RNF212B: variants seen among roughly 807,000 people sequenced by gnomAD.
RNF212B encodes E3 ubiquitin-protein ligase RNF212B.
Under a neutral mutation model 55.5 loss-of-function variants are expected in RNF212B, and 52 were observed. The observed-to-expected ratio is 0.94, with a 90% CI of 0.75 to 1.18. The LOEUF (loss-of-function observed/expected upper bound fraction) is 1.18, where lower values mean the gene tolerates loss of function less well. RNF212B is among the 50% of genes most tolerant of loss of function. RNF212B has a pLI of 0.00. For synonymous variants in RNF212B, 99 were observed against 121.4 expected (o/e 0.82, Z 1.21); for missense variants, 289 against 350.4 (o/e 0.82, Z 1.40).
At chr14:23,250,273 G>T (rs918445438) in intron 4 of RNF212B, among the ~76,000 whole-genome samples, 15 of 152,026 alleles carry the variant, frequency 9.9e-5, no homozygotes, top group Non-Finnish European at 4.4e-5. Flanking sequence ...GAGGTCAGGG[G>T]TTCAAGATCA....
intron 2 of RNF212B, among the ~76,000 whole-genome samples, chr14:23,227,061 CT>C (rs1235836689): frequency 6.6e-6 from 1 of 151,838 alleles, no homozygotes; most frequent in Non-Finnish European, 1.5e-5. Context: ...GTCATGAGGT[CT>C]ATGGATGGTA....
rs1288469517 is a variant in RNF212B at position 23,244,177 on chromosome 14, T to C, written c.154-145T>C. The C allele has an allele frequency of 7.4e-6, 4 of 539,152 alleles. No homozygotes were observed. The South Asian group carries it at 8.0e-5, about 11-fold the overall frequency. The allele number at this position is 539,152 out of a possible 1,614,324, so 33.4% of individuals were successfully genotyped here. Reference sequence around the variant, plus strand: ...GAGAATTGGACATATAATGTACATCTAGAAGAGTGGAGATCTCCCTTTTAC... The same window carrying C: ...GAGAATTGGACATATAATGTACATCCAGAAGAGTGGAGATCTCCCTTTTAC... On this transcript the variant is annotated intron_variant, in intron 3 of 14. Transcript: ENST00000430154.
At chr14:23,239,190 TG>T (rs1186381966) in intron 1 of RNF212B, among the ~76,000 whole-genome samples, 1 of 152,148 alleles carries the variant, frequency 6.6e-6, no homozygotes, top group Admixed American at 6.5e-5. Context: ...CCCAAGTAGC[TG>T]GGGTTACAGG....
chr14:23,202,819 T>G (rs917311532), intron 2 of RNF212B, among the ~76,000 whole-genome samples: 1 of 143,010 alleles, frequency 7.0e-6, no homozygotes, highest in Non-Finnish European at 1.5e-5. Context: ...CACTGCACTC[T>G]AGCCTGGGCG....
intron 9 of RNF212B, among the ~76,000 whole-genome samples, chr14:23,263,738 ATG>A (rs1293580516): frequency 6.6e-6 from 1 of 152,144 alleles, no homozygotes; most frequent in Non-Finnish European, 1.5e-5. Flanking sequence ...TATTAGTGAC[ATG>A]TGCCCCTTCC....
chr14:23,228,274 G>A (rs943769077), intron 2 of RNF212B, among the ~76,000 whole-genome samples: 3 of 151,184 alleles, frequency 2.0e-5, no homozygotes, highest in Non-Finnish European at 4.4e-5. Context: ...TTGTTTATCT[G>A]ATAATAAAAT....
intron 1 of RNF212B, among the ~76,000 whole-genome samples, chr14:23,188,623 T>C (rs958668480): frequency 6.6e-6 from 1 of 152,076 alleles, no homozygotes; most frequent in Non-Finnish European, 1.5e-5. Context: ...CACACCACTA[T>C]GCCTGGCAAA....
intron 2 of RNF212B, among the ~76,000 whole-genome samples, chr14:23,210,989 G>A (rs1421874182): frequency 6.6e-6 from 1 of 151,748 alleles, no homozygotes; most frequent in Non-Finnish European, 1.5e-5. Context: ...GGAGGCCAAG[G>A]TGGACAGATC....
At chr14:23,199,459 C>T (rs749923713) in intron 2 of RNF212B, among the ~76,000 whole-genome samples, 3 of 152,174 alleles carry the variant, frequency 2.0e-5, no homozygotes, top group Middle Eastern at 3.2e-3. Context: ...CTAAGCAGTT[C>T]CCAGCTTGAC....
In RNF212B at chr14:23,229,220, T is replaced by TTTTATATATATA. The variant is rs1183907201; in HGVS notation, c.-1-11124_-1-11123insTTATATATATAT. Among the ~76,000 whole-genome samples, 30 of 65,016 alleles carry TTTTATATATATA rather than the reference T, an allele frequency of 4.6e-4. 2 individuals are homozygous for TTTTATATATATA. The highest frequency in any genetic ancestry group is 6.6e-4 in the Non-Finnish European group (22 of 33,388). 42.7% of individuals were successfully genotyped at this position (65,016 alleles called of 152,430 possible). On this transcript the variant is annotated intron_variant, in intron 2 of 15. Coordinates refer to the RNF212B transcript ENST00000399910. ...ATTTCCTTTATGGCTGAATAATATT[T>TTTTATATATATA]TATATATATATATATATATATATAT... is the stretch of plus-strand genomic sequence containing the variant.
rs769973888 is a variant in RNF212B, at chr14:23,264,618, A to C, written c.586-5A>C. ...ATTAATTGATGCTTATTATTTGTCT[A>C]TCAGGGAGGCAGAGGTCTGCAGGGA... is the stretch of plus-strand genomic sequence containing the variant. On this transcript the variant is annotated splice_region_variant and splice_polypyrimidine_tract_variant and intron_variant, in intron 10 of 14. Coordinates refer to ENST00000430154, the MANE Select transcript of RNF212B (RefSeq NM_001282322.3). 6.7e-6 allele frequency: 9 copies of C among 1,343,766 alleles called. No individual in the cohort carries two copies. The highest frequency in any genetic ancestry group is 8.7e-6 in the Non-Finnish European group (9 of 1,039,864). 83.2% of individuals were successfully genotyped at this position (1,343,766 alleles called of 1,614,324 possible).
rs149787341 is a variant in RNF212B, at chr14:23,241,519, G to A, written c.100+1074G>A. On this transcript the variant is annotated intron_variant, in intron 2 of 14. Coordinates refer to ENST00000430154, the MANE Select transcript of RNF212B (RefSeq NM_001282322.3). ...GCTCACTGCAACCTCTGCTTCCCAG[G>A]TTCAAGCGATTCTCATGTCTCAGCC... is the stretch of plus-strand genomic sequence containing the variant. Among the ~76,000 whole-genome samples, 492 of 152,054 alleles carry A rather than the reference G, an allele frequency of 3.2e-3. 4 individuals are homozygous for A. The highest frequency in any genetic ancestry group is 0.011 in the African/African-American group (470 of 41,482).
At chr14:23,211,569 C>A (rs1441911144) in intron 2 of RNF212B, among the ~76,000 whole-genome samples, 2 of 152,122 alleles carry the variant, frequency 1.3e-5, no homozygotes, top group Non-Finnish European at 2.9e-5. Context: ...AAACTAAAGA[C>A]CAGTTCCTCT....
intron 2 of RNF212B, among the ~76,000 whole-genome samples, chr14:23,198,479 G>A (rs1264170182): frequency 6.6e-6 from 1 of 152,038 alleles, no homozygotes; most frequent in African/African-American, 2.4e-5. Context: ...CAGGAGACCT[G>A]CCTAGCCAAC....
At chr14:23,251,597 C>T (rs989635638) in intron 4 of RNF212B, among the ~76,000 whole-genome samples, 2 of 152,168 alleles carry the variant, frequency 1.3e-5, no homozygotes, top group Non-Finnish European at 2.9e-5. Context: ...GGGCAGATCA[C>T]CTGAGGTCAG....
intron 13 of RNF212B, among the ~76,000 whole-genome samples, chr14:23,270,343 G>A (rs1351943384): frequency 6.6e-6 from 1 of 152,134 alleles, no homozygotes; most frequent in Non-Finnish European, 1.5e-5. Flanking sequence ...TTGCTAAGAG[G>A]CTGCCATCTT....
At chr14:23,267,788 C>T (rs1327684277) in intron 11 of RNF212B, among the ~76,000 whole-genome samples, 4 of 152,124 alleles carry the variant, frequency 2.6e-5, no homozygotes, top group East Asian at 1.9e-4. Flanking sequence ...TCTTTTGTTC[C>T]TTGTTTTTTG....
intron 2 of RNF212B, among the ~76,000 whole-genome samples, chr14:23,224,768 TA>T (rs1288460822): frequency 6.6e-6 from 1 of 152,098 alleles, no homozygotes; most frequent in Non-Finnish European, 1.5e-5. Flanking sequence ...CACATCAAGT[TA>T]AAAAGCTTCT....
intron 2 of RNF212B, among the ~76,000 whole-genome samples, chr14:23,220,013 A>G (rs1881420586): frequency 6.6e-6 from 1 of 151,708 alleles, no homozygotes; most frequent in Non-Finnish European, 1.5e-5. Context: ...GTGAAACTCC[A>G]TCTCTACCAA....
Sources: allele counts gnomAD v4.1 joint callset (sites outside exome capture counted in the v4.1 genomes callset), GRCh38; gene constraint gnomAD v4.1.1; transcripts MANE v1.5; gene names NCBI Gene and HGNC (gene_info 2026-07-23, HGNC 2026-07-21).